The following MYBPC2 variants were observed in gnomAD, a reference collection of about 807,000 sequenced individuals.
MYBPC2 encodes myosin binding protein C2.
Under a neutral mutation model 137.0 loss-of-function variants are expected in MYBPC2, and 122 were observed. The observed-to-expected ratio is 0.89, with a 90% confidence interval of 0.77 to 1.03. The LOEUF is 1.03. Among genes scored for constraint, MYBPC2 ranks in the 50% least tolerant of loss-of-function variants. The probability of loss-of-function intolerance (pLI) is 0.00; values close to 1 mark genes in which losing one functional copy is unlikely to be tolerated. For missense variants in MYBPC2, 1,500 were observed against 1,534.4 expected (o/e 0.98, Z 0.37); for synonymous variants, 626 against 612.3 (o/e 1.02, Z -0.33).
chr19:50,458,438 C>T (rs944058777), intron 20 of MYBPC2, 149 bp from the exon 21 acceptor site: 118 of 955,690 alleles, frequency 1.2e-4, no homozygotes, highest in Non-Finnish European at 1.5e-4. Flanking sequence ...ATGATGAATG[C>T]TTAACTAACT....
chr19:50,459,286 C>G lies in MYBPC2; in HGVS notation c.2771C>G (p.Thr924Ser). ...ATCGAGAACATGAAGGACACCGCCA[C>G]CATCCGCATCCGCGTTGTGGGTGCG... ...VQIENMKDTA[T>S]IRIRVVEKAG... Residue 924 changes from threonine (T) to serine (S), a missense_variant, in exon 23 of 28, where the codon ACC (threonine) becomes AGC (serine). Physicochemically the swap from Thr to Ser is moderately conservative, Grantham distance 58. Transcript: ENST00000357701. 6.2e-7 allele frequency: 1 copy of G among 1,606,788 alleles called. No individual in the cohort carries two copies. The highest frequency in any genetic ancestry group is 1.1e-5 in the South Asian group (1 of 90,622).
intron 24 of MYBPC2, 60 bp downstream of exon 24, chr19:50,460,239 T>C: frequency 6.5e-7 from 1 of 1,530,600 alleles, no homozygotes; most frequent in Non-Finnish European, 8.8e-7. Flanking sequence ...CAGGTGCAGA[T>C]GTCCCCCGTT....
At chr19:50,459,387 G>T in intron 23 of MYBPC2, 81 bp downstream of exon 23, 1 of 1,332,940 alleles carries the variant, frequency 7.5e-7, no homozygotes. Flanking sequence ...GAGATGAGGG[G>T]TGGGGAAGGA....
chr19:50,441,577 C>T (rs1379476307), intron 8 of MYBPC2, among the ~76,000 whole-genome samples: 1 of 152,140 alleles, frequency 6.6e-6, no homozygotes, highest in Non-Finnish European at 1.5e-5. Flanking sequence ...CAGTGGCTCA[C>T]GCCTGTAATC....
At chr19:50,438,849 G>A (rs2039726716) in intron 7 of MYBPC2, among the ~76,000 whole-genome samples, 1 of 152,100 alleles carries the variant, frequency 6.6e-6, no homozygotes, top group African/African-American at 2.4e-5. Flanking sequence ...CTGGGCAACA[G>A]AGTGAGACTG....
At position 50,432,919 on chromosome 19, in the gene MYBPC2, G is replaced by T; in HGVS notation, c.-35G>T. Reference sequence around the variant, plus strand: ...CCTCCCTAGGGCCTAGCGGGACGCGGCTGCGGTCAGAGGAGCAGGAGGAGG... The same window carrying T: ...CCTCCCTAGGGCCTAGCGGGACGCGTCTGCGGTCAGAGGAGCAGGAGGAGG... On this transcript the variant is annotated 5_prime_UTR_variant, in exon 1 of 28. Coordinates refer to ENST00000357701, the MANE Select transcript of MYBPC2 (RefSeq NM_004533.4). The surrounding 1 kb of genome is among the most constrained non-coding windows in gnomAD (Gnocchi z 5.5). 6.2e-7 allele frequency: 1 copy of T among 1,602,966 alleles called. No individual in the cohort carries two copies.
At chr19:50,448,777 CT>C (rs71182719) in intron 13 of MYBPC2, among the ~76,000 whole-genome samples, 85,619 of 123,638 alleles carry the variant, frequency 0.69, 29,445 homozygotes, top group African/African-American at 0.84. Context: ...TTTCTTTTTC[CT>C]TTTTTTTTTT....
chr19:50,446,417 G>A (rs1243499012), intron 12 of MYBPC2, among the ~76,000 whole-genome samples: 4 of 152,032 alleles, frequency 2.6e-5, no homozygotes, highest in Non-Finnish European at 4.4e-5. Context: ...GGAGGCTGAG[G>A]CAGGAGAATT....
intron 13 of MYBPC2, among the ~76,000 whole-genome samples, chr19:50,449,282 T>C (rs2039835159): frequency 6.6e-6 from 1 of 152,212 alleles, no homozygotes; most frequent in East Asian, 1.9e-4. Flanking sequence ...ACCTCTGTGG[T>C]GGCAGGACCT....
Position 50,459,220 on chromosome 19 carries a change from C to G in MYBPC2, c.2705C>G (p.Ala902Gly). ...GACACCGTGTTCTTCGTGCGCCAGG[C>G]GGCCCGCTCCGACTCCGGGGAGTAC... ...DFDTVFFVRQ[A>G]ARSDSGEYEL... The change falls in exon 23 of 28, where the codon GCG becomes GGG. Residue 902 changes from alanine to glycine, a missense_variant. Coordinates refer to ENST00000357701, the MANE Select transcript of MYBPC2 (RefSeq NM_004533.4). 3 of 1,610,996 alleles carry G rather than the reference C, an allele frequency of 1.9e-6. No homozygotes were observed. Among genetic ancestry groups the G allele is most frequent in the Non-Finnish European group, 2.5e-6 (3 of 1,179,510 alleles).
chr19:50,448,453 G>A (rs1477636471), intron 13 of MYBPC2, 63 bp downstream of exon 13: 2 of 1,538,588 alleles, frequency 1.3e-6, no homozygotes, highest in Admixed American at 4.1e-5. Context: ...CTTTAGCTGT[G>A]TAACAAGCTG....
At chr19:50,460,671 C>T (rs1266687168) in intron 24 of MYBPC2, among the ~76,000 whole-genome samples, 4 of 152,198 alleles carry the variant, frequency 2.6e-5, no homozygotes, top group Admixed American at 2.6e-4. Context: ...CTGCAGGGTG[C>T]CGGGTGTGTC....
rs756981758 is a variant in MYBPC2, at chr19:50,451,927, C to G, written c.1673C>G (p.Ala558Gly). ...KTSENAIVVV[A>G]GNKLRLDVSI... ...TCAGAGAATGCGATTGTGGTTGTGGCTGGAAACAAGCTGAGGCTTGACGTG... is the reference window on the plus strand; with the variant it reads ...TCAGAGAATGCGATTGTGGTTGTGGGTGGAAACAAGCTGAGGCTTGACGTG... Residue 558 changes from alanine (A) to glycine (G), a missense_variant, in exon 16 of 28, where the codon GCT (alanine) becomes GGT (glycine). Transcript: ENST00000357701. 6.3e-7 allele frequency: 1 copy of G among 1,576,766 alleles called. No homozygotes were observed. Among genetic ancestry groups the G allele is most frequent in the African/African-American group, 1.3e-5 (1 of 74,202 alleles).
At chr19:50,460,828 T>C (rs569779638) in intron 24 of MYBPC2, among the ~76,000 whole-genome samples, 1 of 152,022 alleles carries the variant, frequency 6.6e-6, no homozygotes, top group Admixed American at 6.6e-5. Context: ...GCCTCCCATG[T>C]AGCTGGGAAT....
chr19:50,455,453 C>T, intron 19 of MYBPC2, 57 bp from the exon 20 acceptor site: 1 of 1,584,450 alleles, frequency 6.3e-7, no homozygotes, highest in East Asian at 2.2e-5. Flanking sequence ...CCTGCCCCTT[C>T]CTGCTGACCC....
chr19:50,459,096 G>A lies in MYBPC2; in HGVS notation c.2596-15G>A, dbSNP rs1328781780. 4.0e-6 allele frequency: 3 copies of A among 751,866 alleles called. No homozygotes were observed. Among genetic ancestry groups the A allele is most frequent in the Non-Finnish European group, 6.3e-6 (3 of 479,816 alleles). The allele number at this position is 751,866 out of a possible 1,614,324, so 46.6% of individuals were successfully genotyped here. ...AGCCCCGCTGACCCCACCCCGCCCC[G>A]CCCTCTCCCCGCAGGGAAAGCCCCG... On this transcript the variant is annotated splice_polypyrimidine_tract_variant and intron_variant, in intron 22 of 27. Coordinates refer to ENST00000357701, the MANE Select transcript of MYBPC2 (RefSeq NM_004533.4).
rs770686563 is a variant in MYBPC2 at position 50,464,483 on chromosome 19, C to T, written c.3366C>T (p.Ala1122=). 37 of 1,612,874 alleles carry T rather than the reference C, an allele frequency of 2.3e-5. No individual in the cohort carries two copies. The highest frequency in any genetic ancestry group is 8.9e-5 in the East Asian group (4 of 44,868). The change falls in exon 27 of 28, where the codon GCC becomes GCT. Residue 1122 remains alanine (A), a synonymous_variant. Transcript: ENST00000357701. Reference sequence around the variant, plus strand: ...ACGCTGGGACTTACACCTGCCGGGCCGTCAACGAGCTGGGCGAGGCGCTGG... The same window carrying T: ...ACGCTGGGACTTACACCTGCCGGGCTGTCAACGAGCTGGGCGAGGCGCTGG... ...PFDAGTYTCR[A]VNELGEALAE...
At chr19:50,458,519 C>G (rs1182473274) in intron 20 of MYBPC2, 68 bp from the exon 21 acceptor site, 6 of 1,565,658 alleles carry the variant, frequency 3.8e-6, no homozygotes, top group Non-Finnish European at 5.2e-6. Context: ...GGCCCAAGTC[C>G]CCGGGAGAAA....
chr19:50,437,865 C>T (rs1601281451), intron 7 of MYBPC2, 147 bp downstream of exon 7: 2 of 916,002 alleles, frequency 2.2e-6, no homozygotes, highest in East Asian at 2.7e-5. Context: ...CACCCAGCAT[C>T]TAACACACCA....
Sources: allele counts gnomAD v4.1 joint callset (sites outside exome capture counted in the v4.1 genomes callset), GRCh38; gene constraint gnomAD v4.1.1; non-coding constraint Gnocchi (gnomAD v3.1); transcripts MANE v1.5; gene names NCBI Gene and HGNC (gene_info 2026-07-23, HGNC 2026-07-21).